The following ATP13A4 variants were observed in gnomAD, a reference collection of about 807,000 sequenced individuals.
ATP13A4 encodes probable cation-transporting ATPase 13A4.
In ATP13A4, 114 loss-of-function variants were observed where a neutral mutation model predicts 142.5. The ratio of observed to expected loss-of-function variants is 0.80; its 90% confidence interval spans 0.69 to 0.93. ATP13A4 has a LOEUF of 0.93. ATP13A4 is among the 40% of genes least tolerant of loss of function. ATP13A4 has a pLI of 0.00. For missense variants in ATP13A4, 1,392 were observed against 1,454.0 expected, an observed-to-expected ratio of 0.96 and a Z score of 0.69; for synonymous variants, 488 against 514.8, an observed-to-expected ratio of 0.95 and a Z score of 0.70.
At chr3:193,534,901 A>G (rs1307670091) in intron 1 of ATP13A4, among the ~76,000 whole-genome samples, 1 of 152,166 alleles carries the variant, frequency 6.6e-6, no homozygotes, top group Non-Finnish European at 1.5e-5. Flanking sequence ...GAACAAACCT[A>G]AAGAAATCTA....
At chr3:193,478,652 G>A in intron 8 of ATP13A4, among the ~76,000 whole-genome samples, 1 of 151,962 alleles carries the variant, frequency 6.6e-6, no homozygotes, top group South Asian at 2.1e-4. Flanking sequence ...AAAAAGTCCA[G>A]GACCAGATGG....
At chr3:193,544,895 T>G (rs940076235) in intron 1 of ATP13A4, among the ~76,000 whole-genome samples, 11 of 151,806 alleles carry the variant, frequency 7.2e-5, no homozygotes, top group South Asian at 2.1e-4. Context: ...TTAATTTCTG[T>G]TTTTTTTGCT....
chr3:193,505,935 G>A (rs1323830375), intron 2 of ATP13A4, among the ~76,000 whole-genome samples: 3 of 152,112 alleles, frequency 2.0e-5, no homozygotes, highest in Non-Finnish European at 1.5e-5. Flanking sequence ...TTTAGAAAAT[G>A]GAAGTAATAC....
intron 1 of ATP13A4, among the ~76,000 whole-genome samples, chr3:193,524,742 T>C (rs905016434): frequency 1.3e-5 from 2 of 152,224 alleles, no homozygotes; most frequent in African/African-American, 4.8e-5. Context: ...AAAACTGTTA[T>C]GAGAATGAAA....
intron 7 of ATP13A4, among the ~76,000 whole-genome samples, chr3:193,484,363 T>C (rs1020607665): frequency 6.8e-6 from 1 of 146,742 alleles, no homozygotes; most frequent in African/African-American, 2.6e-5. Flanking sequence ...ATAAGGAGTA[T>C]GGTGGTTCCT....
At chr3:193,440,503 C>T (rs533664585) in intron 21 of ATP13A4, 55 bp downstream of exon 21, 67 of 1,611,162 alleles carry the variant, frequency 4.2e-5, no homozygotes, top group Non-Finnish European at 5.2e-5. Context: ...TTCCACTCCC[C>T]CTGACTGTTA....
At chr3:193,476,527 C>T (rs1294937447) in intron 8 of ATP13A4, among the ~76,000 whole-genome samples, 1 of 152,084 alleles carries the variant, frequency 6.6e-6, no homozygotes, top group Admixed American at 6.5e-5. Context: ...TGGAGAAGCG[C>T]TTTTAATTTC....
intron 1 of ATP13A4, among the ~76,000 whole-genome samples, chr3:193,535,150 T>C (rs1722527072): frequency 6.6e-6 from 1 of 152,086 alleles, no homozygotes; most frequent in African/African-American, 2.4e-5. Flanking sequence ...AACAAGGATA[T>C]AGAAGATGTA....
rs376273972 is a variant in ATP13A4 at position 193,402,846 on chromosome 3, G to C, written c.3397C>G (p.Arg1133Gly). The C allele has an allele frequency of 6.2e-7, 1 of 1,613,930 alleles. No individual in the cohort carries two copies. Among genetic ancestry groups the C allele is most frequent in the Non-Finnish European group, 8.5e-7 (1 of 1,179,980 alleles). Reference sequence around the variant, plus strand: ...CTTTTAATCATCATCCACAGGGCTCGATTTTCAATAACAGCCTCCTGCAAA... The same window carrying C: ...CTTTTAATCATCATCCACAGGGCTCCATTTTCAATAACAGCCTCCTGCAAA... ...LVAEEAVIEN[R>G]ALWMMIKRCF... Residue 1133 changes from arginine to glycine, a missense_variant, in exon 30 of 30, where the codon CGA (arginine) becomes GGA (glycine). Transcript: ENST00000342695.
chr3:193,447,905 C>T (rs1354944292), intron 18 of ATP13A4, among the ~76,000 whole-genome samples: 4 of 152,190 alleles, frequency 2.6e-5, no homozygotes, highest in Non-Finnish European at 4.4e-5. Flanking sequence ...TCAAATGTCA[C>T]ATCTCGGAGA....
chr3:193,459,503 T>G (rs1717829990), intron 13 of ATP13A4, among the ~76,000 whole-genome samples: 1 of 152,140 alleles, frequency 6.6e-6, no homozygotes, highest in South Asian at 2.1e-4. Context: ...AGTGGCGTGA[T>G]CTCGATTCAT....
At chr3:193,458,451 G>A (rs960744735) in intron 14 of ATP13A4, 2 of 155,074 alleles carry the variant, frequency 1.3e-5, no homozygotes, top group African/African-American at 4.8e-5. Context: ...GAGAGCCAAA[G>A]CCCCAACATG....
intron 1 of ATP13A4, among the ~76,000 whole-genome samples, chr3:193,530,989 C>G (rs1722282260): frequency 1.3e-5 from 2 of 152,106 alleles, no homozygotes; most frequent in South Asian, 4.2e-4. Flanking sequence ...TGTGCTTTGT[C>G]CCTTTACATC....
chr3:193,484,151 C>G (rs73888561), intron 7 of ATP13A4, 146 bp from the exon 8 acceptor site: 1 of 679,674 alleles, frequency 1.5e-6, no homozygotes, highest in Non-Finnish European at 2.6e-6. Flanking sequence ...GGACTAAGTA[C>G]TCATTATTTA....
intron 3 of ATP13A4, among the ~76,000 whole-genome samples, chr3:193,495,438 C>T (rs573318675): frequency 6.6e-6 from 1 of 152,156 alleles, no homozygotes; most frequent in South Asian, 2.1e-4. Flanking sequence ...TCAACATATG[C>T]AAATGAATAA....
At chr3:193,465,594 T>TA (rs113815313) in intron 11 of ATP13A4, among the ~76,000 whole-genome samples, 77,061 of 151,946 alleles carry the variant, frequency 0.51, 20,051 homozygotes, top group African/African-American at 0.64. Context: ...CAAATAGCAA[T>TA]AAAAAACCCA....
intron 25 of ATP13A4, among the ~76,000 whole-genome samples, chr3:193,433,011 G>A (rs1716064625): frequency 6.6e-6 from 1 of 152,118 alleles, no homozygotes; most frequent in African/African-American, 2.4e-5. Context: ...CTCACGAAAT[G>A]CTTTCATTGA....
chr3:193,473,928 C>T (rs909459944), intron 8 of ATP13A4, among the ~76,000 whole-genome samples: 1 of 152,172 alleles, frequency 6.6e-6, no homozygotes, highest in Non-Finnish European at 1.5e-5. Flanking sequence ...ACTGGCAAAA[C>T]ACGAACGAGG....
chr3:193,407,498 T>C lies in ATP13A4; in HGVS notation c.3298-105A>G, dbSNP rs1287934484. The C allele has an allele frequency of 7.4e-6, 6 of 813,958 alleles. No individual in the cohort carries two copies. The Admixed American group carries it at 1.0e-4, about 14-fold the overall frequency. 50.4% of individuals were successfully genotyped at this position (813,958 alleles called of 1,614,324 possible). A position where few individuals can be genotyped will look rare whatever the true frequency, so the allele number is the denominator to read the frequency against. On this transcript the variant is annotated intron_variant, in intron 28 of 29. Transcript: ENST00000342695. ...TTTCCTAGGTTATAAATCTCATATGTAATATATATGTGTGTATATTACATA... is the reference window on the plus strand; with the variant it reads ...TTTCCTAGGTTATAAATCTCATATGCAATATATATGTGTGTATATTACATA...
Sources: allele counts gnomAD v4.1 joint callset (sites outside exome capture counted in the v4.1 genomes callset), GRCh38; gene constraint gnomAD v4.1.1; transcripts MANE v1.5; gene names NCBI Gene and HGNC (gene_info 2026-07-23, HGNC 2026-07-21).